RASGRP1: variants seen among roughly 807,000 people sequenced by gnomAD.
The protein encoded by RASGRP1 is RAS guanyl releasing protein 1.
RASGRP1 carries 37 observed loss-of-function variants against 95.1 expected under a neutral mutation model. The observed-to-expected ratio is 0.39, with a 90% CI of 0.30 to 0.51. The LOEUF is 0.51. Ranked by LOEUF, RASGRP1 falls within the 20% of genes least tolerant of loss-of-function variation. The pLI is 0.80. For missense variants in RASGRP1, 711 were observed against 965.4 expected (o/e 0.74, Z 3.49); for synonymous variants, 325 against 353.4 (o/e 0.92, Z 0.90).
At chr15:38,529,492 T>C (rs181343281) in intron 2 of RASGRP1, among the ~76,000 whole-genome samples, 1 of 152,232 alleles carries the variant, frequency 6.6e-6, no homozygotes, top group Non-Finnish European at 1.5e-5. Flanking sequence ...CATTTTGGTC[T>C]TAGTTTCAAT....
intron 2 of RASGRP1, among the ~76,000 whole-genome samples, chr15:38,537,971 G>A (rs1295256529): frequency 1.3e-5 from 2 of 152,186 alleles, no homozygotes. Context: ...GAATAGGAAT[G>A]TGCTTCAAGG....
rs1890532071 is a variant in RASGRP1, at chr15:38,490,518, A to AT, written c.*35dup. ...TTACAGTTTAGGAAATGAGATCACT[A>AT]TACTCATCTACAGATTGTGCTACTT... On this transcript the variant is annotated 3_prime_UTR_variant, in exon 17 of 17. Coordinates refer to ENST00000310803, the MANE Select transcript of RASGRP1 (RefSeq NM_005739.4). 2.5e-6 allele frequency: 4 copies of AT among 1,600,000 alleles called. No individual in the cohort carries two copies. Among genetic ancestry groups the AT allele is most frequent in the Non-Finnish European group, 3.4e-6 (4 of 1,173,350 alleles).
intron 2 of RASGRP1, among the ~76,000 whole-genome samples, chr15:38,535,948 G>A (rs1892625856): frequency 6.6e-6 from 1 of 152,146 alleles, no homozygotes. Flanking sequence ...TGTGGGTGGG[G>A]TTTGGGGACT....
chr15:38,530,688 T>C (rs1892399037), intron 2 of RASGRP1, among the ~76,000 whole-genome samples: 1 of 152,220 alleles, frequency 6.6e-6, no homozygotes, highest in African/African-American at 2.4e-5. Context: ...CCATCTCAAC[T>C]TTCCTTTATG....
At chr15:38,540,596 A>G (rs946841101) in intron 2 of RASGRP1, among the ~76,000 whole-genome samples, 8 of 152,202 alleles carry the variant, frequency 5.3e-5, no homozygotes, top group African/African-American at 1.9e-4. Flanking sequence ...ATAAAGACAA[A>G]GCAGTGACTA....
intron 5 of RASGRP1, among the ~76,000 whole-genome samples, chr15:38,517,234 C>T (rs1429792047): frequency 6.6e-6 from 1 of 152,076 alleles, no homozygotes; most frequent in Non-Finnish European, 1.5e-5. Flanking sequence ...CAAGTAATAT[C>T]CCACAGACTA....
intron 3 of RASGRP1, among the ~76,000 whole-genome samples, chr15:38,524,698 C>T (rs1042929932): frequency 2.6e-5 from 4 of 152,122 alleles, no homozygotes; most frequent in African/African-American, 9.7e-5. Context: ...TTTTAAGACG[C>T]TTTCACATCA....
chr15:38,516,289 G>T lies in RASGRP1; in HGVS notation c.583C>A (p.Arg195=). 6.2e-7 allele frequency: 1 copy of T among 1,606,032 alleles called. No homozygotes were observed. Among genetic ancestry groups the T allele is most frequent in the Non-Finnish European group, 8.5e-7 (1 of 1,172,760 alleles). Residue 195 remains arginine (R), a synonymous_variant, in exon 6 of 17, where the codon CGG becomes AGG. Transcript: ENST00000310803. ...TGGTCAAAGAGCAGGGAGACTTTCC[G>T]TTTCTTGCTGGTATTTGATTTTATC... ...QRIKSNTSKK[R]KVSLLFDHLE...
rs1233347265 is a variant in RASGRP1 at position 38,490,677 on chromosome 15, A to G, written c.2271T>C (p.Thr757=). ...TYQELEQEIN[T]LKADNDALKI... The stretch of plus-strand genomic sequence containing the variant: ...TTAGGGCATCATTATCTGCTTTCAG[A>G]GTATTTATTTCCTAAAGGGAAAGGA... The change falls in exon 17 of 17, where the codon ACT becomes ACC. Residue 757 remains threonine, a synonymous_variant. Coordinates refer to ENST00000310803, the MANE Select transcript of RASGRP1 (RefSeq NM_005739.4). 1.2e-6 allele frequency: 2 copies of G among 1,610,536 alleles called. No homozygotes were observed. Among genetic ancestry groups the G allele is most frequent in the Admixed American group, 3.3e-5 (2 of 59,794 alleles).
In RASGRP1 at chr15:38,511,770, T is replaced by A. The variant is rs1227994891; in HGVS notation, c.850-50A>T. 5.6e-6 allele frequency: 8 copies of A among 1,430,872 alleles called. 1 individual carries two copies. The South Asian group carries it at 9.2e-5, about 16-fold the overall frequency. The allele number at this position is 1,430,872 out of a possible 1,614,324, so 88.6% of individuals were successfully genotyped here. A position where few individuals can be genotyped will look rare whatever the true frequency, so the allele number is the denominator to read the frequency against. ...GCAGAGTCACTGTACATGTCAGTTA[T>A]ATGGGGAGCTTAGAGGCTGCCTCTT... On this transcript the variant is annotated intron_variant, in intron 7 of 16. Coordinates refer to ENST00000310803, the MANE Select transcript of RASGRP1 (RefSeq NM_005739.4).
chr15:38,515,912 T>A (rs79264304), intron 6 of RASGRP1, among the ~76,000 whole-genome samples: 5,195 of 83,066 alleles, frequency 0.063, 122 homozygotes, highest in Non-Finnish European at 0.1. Flanking sequence ...AGAGAGAGAG[T>A]GTGTGTGTGT....
chr15:38,501,080 T>C, intron 13 of RASGRP1, 63 bp downstream of exon 13: 1 of 1,488,276 alleles, frequency 6.7e-7, no homozygotes, highest in Non-Finnish European at 9.1e-7. Context: ...GGTCTGTGCC[T>C]GTCTTAAAGT....
chr15:38,522,028 G>C (rs1293482470), intron 3 of RASGRP1, among the ~76,000 whole-genome samples: 1 of 152,140 alleles, frequency 6.6e-6, no homozygotes, highest in African/African-American at 2.4e-5. Flanking sequence ...ACAGGTAAAA[G>C]TTCTTGTAAA....
intron 10 of RASGRP1, 41 bp from the exon 11 acceptor site, chr15:38,503,417 C>T (rs1891117345): frequency 7.2e-7 from 1 of 1,384,732 alleles, no homozygotes; most frequent in Admixed American, 1.9e-5. Flanking sequence ...GACTACAATG[C>T]AATATTATAA....
At chr15:38,538,314 T>G (rs928823983) in intron 2 of RASGRP1, among the ~76,000 whole-genome samples, 4 of 152,104 alleles carry the variant, frequency 2.6e-5, no homozygotes, top group African/African-American at 7.2e-5. Flanking sequence ...TCCTAAGTCA[T>G]GAATTGATGT....
chr15:38,507,589 C>CTA (rs1891312854), intron 9 of RASGRP1, 137 bp downstream of exon 9: 1 of 1,000,066 alleles, frequency 1.0e-6, no homozygotes, highest in South Asian at 1.7e-5. Flanking sequence ...GTATCCCTAG[C>CTA]TATATGTTGG....
chr15:38,558,953 G>C (rs1311560800), intron 2 of RASGRP1, among the ~76,000 whole-genome samples: 1 of 152,116 alleles, frequency 6.6e-6, no homozygotes, highest in African/African-American at 2.4e-5. Flanking sequence ...GGGGGGGTTG[G>C]TATGTCTGAG....
Position 38,490,479 on chromosome 15 carries a change from C to A in RASGRP1, c.*75G>T, listed in dbSNP as rs1347469166. ...TTTAAAGCTGGTCAGTGTAAAGTTCCTCAGGTCTGTGCATTACAGTTTAGG... is the reference window on the plus strand; with the variant it reads ...TTTAAAGCTGGTCAGTGTAAAGTTCATCAGGTCTGTGCATTACAGTTTAGG... On this transcript the variant is annotated 3_prime_UTR_variant, in exon 17 of 17. Coordinates refer to ENST00000310803, the MANE Select transcript of RASGRP1 (RefSeq NM_005739.4). The A allele has an allele frequency of 1.4e-6, 2 of 1,470,092 alleles. No homozygotes were observed. Among genetic ancestry groups the A allele is most frequent in the Non-Finnish European group, 9.1e-7 (1 of 1,098,410 alleles). 91.1% of individuals were successfully genotyped at this position (1,470,092 alleles called of 1,614,324 possible). A position where few individuals can be genotyped will look rare whatever the true frequency, so the allele number is the denominator to read the frequency against.
chr15:38,524,172 T>A (rs117663553), intron 3 of RASGRP1: 4,085 of 151,958 alleles, frequency 0.027, 61 homozygotes, highest in African/African-American at 0.037. Flanking sequence ...GATGACTTGA[T>A]GCCAGGAGTT....
Sources: allele counts gnomAD v4.1 joint callset (sites outside exome capture counted in the v4.1 genomes callset), GRCh38; gene constraint gnomAD v4.1.1; transcripts MANE v1.5; gene names NCBI Gene and HGNC (gene_info 2026-07-23, HGNC 2026-07-21).